The following MYO16 variants were observed in gnomAD, a reference collection of about 807,000 sequenced individuals.
The protein encoded by MYO16 is unconventional myosin-XVI.
A neutral mutation model predicts 205.3 loss-of-function variants in MYO16; 94 were observed. That is an observed-to-expected ratio of 0.46 (90% confidence interval 0.39 to 0.54). The LOEUF is 0.54. Among genes scored for constraint, MYO16 ranks in the 20% least tolerant of loss-of-function variants. The pLI is 0.00. For missense variants in MYO16, 2,315 were observed against 2,387.5 expected (o/e 0.97, Z 0.63); for synonymous variants, 988 against 954.0 (o/e 1.04, Z -0.66).
the MYO16 span, among the ~76,000 whole-genome samples, chr13:108,508,148 C>T: frequency 6.6e-6 from 1 of 150,876 alleles, no homozygotes; most frequent in Non-Finnish European, 1.5e-5. Flanking sequence ...TAGATCTCGA[C>T]TTCTTTCAGG....
intron 16 of MYO16, among the ~76,000 whole-genome samples, chr13:108,911,875 G>A (rs1319734337): frequency 6.6e-6 from 1 of 152,226 alleles, no homozygotes; most frequent in South Asian, 2.1e-4. Context: ...CACTGAACAA[G>A]GGATATGAGG....
chr13:108,661,023 A>G (rs1881478766), intron 1 of MYO16, among the ~76,000 whole-genome samples: 1 of 152,160 alleles, frequency 6.6e-6, no homozygotes, highest in African/African-American at 2.4e-5. Flanking sequence ...AAACAACTGT[A>G]TCCTTCCTTC....
the MYO16 span, among the ~76,000 whole-genome samples, chr13:108,532,338 TAAC>T: frequency 6.6e-6 from 1 of 152,004 alleles, no homozygotes; most frequent in African/African-American, 2.4e-5. Context: ...GTAACAGTAT[TAAC>T]AACATGGAAT....
At chr13:108,617,534 A>G (rs1446959393) in intron 1 of MYO16, among the ~76,000 whole-genome samples, 2 of 152,170 alleles carry the variant, frequency 1.3e-5, no homozygotes, top group East Asian at 3.9e-4. Flanking sequence ...TGCCTAAATA[A>G]TGTCATTGAA....
chr13:108,603,754 A>T (rs1878851547), intron 1 of MYO16, among the ~76,000 whole-genome samples: 1 of 151,600 alleles, frequency 6.6e-6, no homozygotes, highest in African/African-American at 2.4e-5. Flanking sequence ...ATCCTGTTAC[A>T]GCTGACACAT....
rs531657628 is a variant in MYO16 at position 108,824,433 on chromosome 13, C to T, written c.1097+1155C>T. ...CTAATACAACCCCTCTAAAACAGAT[C>T]TCTATGAATTTATATATTCATATTC... On this transcript the variant is annotated intron_variant, in intron 9 of 34. Transcript: ENST00000457511. Among the ~76,000 whole-genome samples the T allele has an allele frequency of 9.2e-5, 14 of 152,130 alleles. No homozygotes were observed. The East Asian group carries it at 2.7e-3, about 29-fold the overall frequency.
At chr13:108,545,423 A>C in the MYO16 span, among the ~76,000 whole-genome samples, 1 of 152,098 alleles carries the variant, frequency 6.6e-6, no homozygotes, top group African/African-American at 2.4e-5. Context: ...ATTTAGGTTG[A>C]TTCCATGTCT....
chr13:109,160,983 C>A (rs1016499363), intron 32 of MYO16, among the ~76,000 whole-genome samples: 7 of 152,174 alleles, frequency 4.6e-5, no homozygotes, highest in African/African-American at 1.7e-4. Flanking sequence ...ACCCAACCAT[C>A]CAGAGTTTCT....
At chr13:108,927,904 G>A (rs555884786) in intron 16 of MYO16, among the ~76,000 whole-genome samples, 14 of 152,230 alleles carry the variant, frequency 9.2e-5, no homozygotes, top group African/African-American at 2.4e-4. Context: ...CTGAGCATGC[G>A]CTCTAGGCTG....
chr13:109,173,959 C>T (rs570443981), intron 33 of MYO16, among the ~76,000 whole-genome samples: 30 of 123,572 alleles, frequency 2.4e-4, no homozygotes, highest in Non-Finnish European at 4.4e-4. Context: ...GGGGGGGGTA[C>T]TCTCTGCTGT....
At chr13:108,787,231 T>C (rs941508975) in intron 5 of MYO16, among the ~76,000 whole-genome samples, 4 of 152,322 alleles carry the variant, frequency 2.6e-5, no homozygotes, top group African/African-American at 7.2e-5. Context: ...AATGTGGTGA[T>C]GGTTTCAGGG....
At chr13:108,710,662 C>G (rs1383814455) in intron 2 of MYO16, among the ~76,000 whole-genome samples, 1 of 152,184 alleles carries the variant, frequency 6.6e-6, no homozygotes, top group African/African-American at 2.4e-5. Flanking sequence ...AGTTCAGTAG[C>G]TTTCCAGGTC....
At chr13:108,908,013 A>G (rs1881075433) in intron 15 of MYO16, among the ~76,000 whole-genome samples, 1 of 152,234 alleles carries the variant, frequency 6.6e-6, no homozygotes, top group Non-Finnish European at 1.5e-5. Flanking sequence ...ATTCAAGATG[A>G]ATATTATTAA....
At chr13:108,842,683 A>T (rs111591694) in intron 9 of MYO16, among the ~76,000 whole-genome samples, 218 of 152,256 alleles carry the variant, frequency 1.4e-3, no homozygotes, top group African/African-American at 4.9e-3. Flanking sequence ...GTTGCTACGG[A>T]AACAAGTATG....
intron 12 of MYO16, among the ~76,000 whole-genome samples, chr13:108,881,667 G>A (rs1433958118): frequency 1.3e-5 from 2 of 152,202 alleles, no homozygotes; most frequent in Admixed American, 6.5e-5. Flanking sequence ...TTCAGTAGCC[G>A]ATTTGATCAA....
chr13:108,689,484 G>T (rs1397591262), intron 2 of MYO16, among the ~76,000 whole-genome samples: 1 of 152,134 alleles, frequency 6.6e-6, no homozygotes, highest in Admixed American at 6.5e-5. Flanking sequence ...TATTATAATA[G>T]TTAAATCATT....
intron 6 of MYO16, among the ~76,000 whole-genome samples, chr13:108,800,356 A>G (rs1886934582): frequency 6.6e-6 from 1 of 152,164 alleles, no homozygotes; most frequent in South Asian, 2.1e-4. Flanking sequence ...CCACCTTGAT[A>G]CCTACACACA....
intron 16 of MYO16, among the ~76,000 whole-genome samples, chr13:108,912,628 G>GTGATTT (rs1236679363): frequency 6.6e-6 from 1 of 152,044 alleles, no homozygotes. Context: ...GATTAACTTT[G>GTGATTT]TGATTTTCTA....
chr13:108,745,692 A>G (rs952717208), intron 4 of MYO16, among the ~76,000 whole-genome samples: 1 of 152,180 alleles, frequency 6.6e-6, no homozygotes, highest in Non-Finnish European at 1.5e-5. Context: ...GAAGATATAA[A>G]AAAAACATCA....
Sources: allele counts gnomAD v4.1 joint callset (sites outside exome capture counted in the v4.1 genomes callset), GRCh38; gene constraint gnomAD v4.1.1; transcripts MANE v1.5; gene names NCBI Gene and HGNC (gene_info 2026-07-23, HGNC 2026-07-21).